NCOR2: variants seen among roughly 807,000 people sequenced by gnomAD.
The protein encoded by NCOR2 is CTG repeat protein 26.
A neutral mutation model predicts 262.9 loss-of-function variants in NCOR2; 81 were observed. The ratio of observed to expected loss-of-function variants is 0.31; its 90% confidence interval spans 0.26 to 0.37. NCOR2 has a LOEUF of 0.37. NCOR2 is among the 10% of genes least tolerant of loss of function. The pLI, the probability that NCOR2 is intolerant of heterozygous loss-of-function variation, is 1.00. For synonymous variants in NCOR2, 1,659 were observed against 1,559.3 expected, an observed-to-expected ratio of 1.06 and a Z score of -1.51; for missense variants, 3,385 against 3,621.4, an observed-to-expected ratio of 0.93 and a Z score of 1.68.
intron 10 of NCOR2, among the ~76,000 whole-genome samples, chr12:124,428,218 G>A (rs1367208115): frequency 6.6e-6 from 1 of 152,210 alleles, no homozygotes; most frequent in East Asian, 1.9e-4. Flanking sequence ...ATGTCCATAA[G>A]TGCACAGCAT....
chr12:124,413,921 GC>G lies in NCOR2; in HGVS notation c.1482+6035del, dbSNP rs563175615. Reference sequence around the variant, plus strand: ...CACAGGTGGTGGCGGGGGGTACTGAGCCCCCCCCACCCCAGGACTCCCACCC... The same window carrying G: ...CACAGGTGGTGGCGGGGGGTACTGAGCCCCCCCACCCCAGGACTCCCACCC... On this transcript the variant is annotated intron_variant, in intron 13 of 46. Coordinates refer to ENST00000405201, the Ensembl canonical transcript of NCOR2. Among the ~76,000 whole-genome samples, 295 of 150,586 alleles carry G rather than the reference GC, an allele frequency of 2.0e-3. 1 individual carries two copies. Among genetic ancestry groups the G allele is most frequent in the African/African-American group, 7.0e-3 (289 of 41,284 alleles).
intron 17 of NCOR2, among the ~76,000 whole-genome samples, chr12:124,379,593 TC>T (rs773258829): frequency 2.0e-5 from 3 of 152,234 alleles, no homozygotes; most frequent in Admixed American, 1.3e-4. Context: ...GGCAGCCTGA[TC>T]CCTCTGGGGT....
intron 5 of NCOR2, among the ~76,000 whole-genome samples, chr12:124,459,670 G>A (rs2046060668): frequency 6.6e-6 from 1 of 152,190 alleles, no homozygotes. Flanking sequence ...TGAAGTGCAT[G>A]TCATCCCTTC....
chr12:124,356,798 G>C lies in NCOR2; in HGVS notation c.3101-16C>G. ...GCTGCGAAGGCTGGGAAGAACACAG[G>C]CTTCTCTGCTGAGGGCAGGAGGTGG... On this transcript the variant is annotated splice_polypyrimidine_tract_variant and intron_variant, in intron 22 of 46. Coordinates refer to ENST00000405201, the Ensembl canonical transcript of NCOR2. 2 of 1,459,616 alleles carry C rather than the reference G, an allele frequency of 1.4e-6. No homozygotes were observed. Among genetic ancestry groups the C allele is most frequent in the South Asian group, 1.5e-5 (1 of 67,940 alleles). 90.4% of individuals were successfully genotyped at this position (1,459,616 alleles called of 1,614,324 possible).
At chr12:124,344,509 G>T in intron 32 of NCOR2, 88 bp downstream of exon 34, 1 of 1,226,530 alleles carries the variant, frequency 8.2e-7, no homozygotes, top group South Asian at 1.9e-5. Flanking sequence ...GGATATCCCA[G>T]GTGCAAACTA....
chr12:124,430,527 T>G (rs916668334), intron 9 of NCOR2, 88 bp downstream of exon 11: 2 of 1,488,398 alleles, frequency 1.3e-6, no homozygotes, highest in Non-Finnish European at 1.8e-6. Flanking sequence ...GCTGTTCTGT[T>G]CCTTCCTGGC....
At chr12:124,419,445 C>T (rs2043092204) in intron 13 of NCOR2, among the ~76,000 whole-genome samples, 1 of 152,244 alleles carries the variant, frequency 6.6e-6, no homozygotes, top group African/African-American at 2.4e-5. Context: ...AGCCTCTGCT[C>T]TAGCGTAAAT....
intron 1 of NCOR2, among the ~76,000 whole-genome samples, chr12:124,564,728 TCTC>T (rs1180600802): frequency 2.0e-5 from 3 of 151,788 alleles, no homozygotes; most frequent in Admixed American, 6.6e-5. Context: ...AGCACCAACT[TCTC>T]CACCCACACT....
chr12:124,403,234 G>A (rs965005569), intron 13 of NCOR2, among the ~76,000 whole-genome samples: 11 of 152,170 alleles, frequency 7.2e-5, no homozygotes, highest in South Asian at 2.1e-4. Flanking sequence ...CCAGGCCTGC[G>A]TGGAGGTGGC....
chr12:124,417,915 G>C (rs2042996092), intron 13 of NCOR2, among the ~76,000 whole-genome samples: 1 of 152,082 alleles, frequency 6.6e-6, no homozygotes, highest in Admixed American at 6.6e-5. Context: ...CAAAAAATTA[G>C]CAGGATGCAG....
At chr12:124,333,793 C>G (rs916820154) in intron 41 of NCOR2, among the ~76,000 whole-genome samples, 2 of 151,906 alleles carry the variant, frequency 1.3e-5, no homozygotes, top group African/African-American at 4.8e-5. Flanking sequence ...TGGGAGTGTG[C>G]GTGAGCATGT....
chr12:124,448,729 G>C (rs557261389), intron 7 of NCOR2, among the ~76,000 whole-genome samples: 12 of 152,166 alleles, frequency 7.9e-5, no homozygotes, highest in Non-Finnish European at 1.5e-4. Context: ...CCGTCGACTA[G>C]TCCAGCACCA....
intron 8 of NCOR2, among the ~76,000 whole-genome samples, chr12:124,437,363 C>T (rs1240999952): frequency 1.3e-5 from 2 of 152,220 alleles, no homozygotes; most frequent in Non-Finnish European, 2.9e-5. Flanking sequence ...GCCTCCCCGC[C>T]GTGGGCTGAG....
intron 4 of NCOR2, among the ~76,000 whole-genome samples, chr12:124,471,591 A>C (rs1323885167): frequency 6.6e-6 from 1 of 152,228 alleles, no homozygotes; most frequent in Non-Finnish European, 1.5e-5. Context: ...CTTTTTGTTG[A>C]GATAGAGTCT....
At chr12:124,424,051 G>A (rs1302658795) in intron 11 of NCOR2, among the ~76,000 whole-genome samples, 2 of 152,252 alleles carry the variant, frequency 1.3e-5, no homozygotes, top group East Asian at 3.9e-4. Context: ...CAGGATGGAA[G>A]TTACGCCAGC....
At chr12:124,487,340 G>A (rs1205387659) in intron 1 of NCOR2, among the ~76,000 whole-genome samples, 3 of 152,240 alleles carry the variant, frequency 2.0e-5, no homozygotes, top group Admixed American at 6.5e-5. Flanking sequence ...AGGCCGCCCT[G>A]TAAAAGAGGA....
chr12:124,539,088 A>T (rs1398695765), upstream of NCOR2: 2 of 152,200 alleles, frequency 1.3e-5, no homozygotes, highest in Non-Finnish European at 2.9e-5. This position sits in a 1 kb window ranked among gnomAD's most constrained non-coding sequence, Gnocchi z 5.1. Context: ...GCGAGCGGCC[A>T]GGGCATGTGG....
chr12:124,374,324 GA>G, intron 19 of NCOR2, 88 bp downstream of exon 21: 1 of 1,351,100 alleles, frequency 7.4e-7, no homozygotes. Flanking sequence ...CATGTGCTCA[GA>G]AGCGGGGTTC....
At chr12:124,505,109 T>C (rs56325379) in intron 1 of NCOR2, among the ~76,000 whole-genome samples, 32,557 of 152,194 alleles carry the variant, frequency 0.21, 3,517 homozygotes, top group East Asian at 0.28. Flanking sequence ...GCAGAGGCTA[T>C]CTACACCAGA....
Sources: gnomAD v4.1 joint callset for allele counts (sites outside exome capture counted in the v4.1 genomes callset) on GRCh38, gnomAD v4.1.1 for gene constraint, Gnocchi (gnomAD v3.1) non-coding constraint, MANE v1.5 for transcripts, NCBI Gene and HGNC (gene_info 2026-07-23, HGNC 2026-07-21) for gene names.